RBFOX1: variants seen among roughly 807,000 people sequenced by gnomAD.
RBFOX1 encodes RNA binding fox-1 homolog 1.
RBFOX1 carries 8 observed loss-of-function variants against 57.7 expected under a neutral mutation model. The observed-to-expected ratio is 0.14, with a 90% confidence interval of 0.08 to 0.25. The LOEUF is 0.25. Among genes scored for constraint, RBFOX1 ranks in the 10% least tolerant of loss-of-function variants. The probability of loss-of-function intolerance (pLI) is 1.00; values close to 1 mark genes in which losing one functional copy is unlikely to be tolerated. For synonymous variants in RBFOX1, 326 were observed against 222.4 expected, an observed-to-expected ratio of 1.47 and a Z score of -4.15; for missense variants, 611 against 548.5, an observed-to-expected ratio of 1.11 and a Z score of -1.14.
At chr16:6,846,293 C>G (rs1312691503) in intron 3 of RBFOX1, among the ~76,000 whole-genome samples, 3 of 152,132 alleles carry the variant, frequency 2.0e-5, no homozygotes, top group Non-Finnish European at 4.4e-5. Context: ...TCCGTGTCAT[C>G]AAGAAACATG....
At chr16:6,220,577 G>T (rs1469427317) in intron 1 of RBFOX1, among the ~76,000 whole-genome samples, 1 of 152,150 alleles carries the variant, frequency 6.6e-6, no homozygotes, top group Non-Finnish European at 1.5e-5. Flanking sequence ...CCAAAACACA[G>T]TGAAATTTCT....
In RBFOX1 at chr16:5,313,082, C is replaced by G. The variant is rs115723009; in HGVS notation, c.219+72977C>G. On this transcript the variant is annotated intron_variant, in intron 1 of 2. Transcript: ENST00000585867. ...TGCTGTCCTGGGCGCTTTCTGTGAA[C>G]TGTTTGATTTTGTCTTCACAGCCAC... 7.8e-3 allele frequency among the ~76,000 whole-genome samples: 1,185 copies of G among 152,194 alleles called. 17 individuals carry two copies. Among genetic ancestry groups the G allele is most frequent in the African/African-American group, 0.027 (1,128 of 41,506 alleles).
At chr16:6,504,341 C>G (rs190961513) in intron 2 of RBFOX1, among the ~76,000 whole-genome samples, 1 of 152,238 alleles carries the variant, frequency 6.6e-6, no homozygotes, top group Non-Finnish European at 1.5e-5. Context: ...CCCTGCCCTT[C>G]ACCATCAGAC....
intron 4 of RBFOX1, among the ~76,000 whole-genome samples, chr16:7,167,395 A>G (rs890650241): frequency 1.3e-5 from 2 of 151,934 alleles, no homozygotes; most frequent in Admixed American, 1.3e-4. Flanking sequence ...AGAGAAATGG[A>G]GGGAGATTTG....
intron 4 of RBFOX1, among the ~76,000 whole-genome samples, chr16:7,357,279 G>T (rs1431585485): frequency 6.6e-6 from 1 of 151,952 alleles, no homozygotes; most frequent in Non-Finnish European, 1.5e-5. Context: ...CAGTCCTGTG[G>T]GTAAGAAGGT....
intron 4 of RBFOX1, among the ~76,000 whole-genome samples, chr16:7,187,506 A>G (rs370158369): frequency 0.013 from 1,931 of 151,356 alleles, 45 homozygotes; most frequent in African/African-American, 0.042. Flanking sequence ...TGGCTAACAC[A>G]GTGAAACCCC....
At chr16:7,697,707 G>A (rs546524192) in intron 14 of RBFOX1, among the ~76,000 whole-genome samples, 1 of 152,060 alleles carries the variant, frequency 6.6e-6, no homozygotes, top group Non-Finnish European at 1.5e-5. Context: ...CTTCCCCTGG[G>A]TCACACTGCC....
intron 1 of RBFOX1, among the ~76,000 whole-genome samples, chr16:6,049,403 T>A (rs2095529330): frequency 6.6e-6 from 1 of 152,196 alleles, no homozygotes; most frequent in African/African-American, 2.4e-5. Context: ...TCACCTTCTT[T>A]GAATCACCCA....
At chr16:6,815,686 T>C (rs3885987) in intron 3 of RBFOX1, among the ~76,000 whole-genome samples, 74,277 of 151,914 alleles carry the variant, frequency 0.49, 18,395 homozygotes, top group Admixed American at 0.51. Flanking sequence ...AAACCTAGAC[T>C]TGTTCAGCGA....
In RBFOX1 at chr16:6,978,819, G is replaced by A. The variant is rs145412225; in HGVS notation, c.-15-73238G>A. Among the ~76,000 whole-genome samples the A allele has an allele frequency of 2.5e-3, 379 of 152,206 alleles. 3 individuals are homozygous for A. Among genetic ancestry groups the A allele is most frequent in the Non-Finnish European group, 4.3e-3 (292 of 68,012 alleles). ...GTGGCTACAATACATTGCCTATATC[G>A]GGTAACAAATGCCTTCAATCCCCTT... On this transcript the variant is annotated intron_variant, in intron 3 of 15. Transcript: ENST00000550418.
intron 1 of RBFOX1, among the ~76,000 whole-genome samples, chr16:5,351,611 C>G (rs951372765): frequency 3.3e-5 from 5 of 152,204 alleles, no homozygotes; most frequent in African/African-American, 1.2e-4. Flanking sequence ...AGCCTTTCCT[C>G]TCTATGGAGA....
chr16:6,628,817 T>C lies in RBFOX1; in HGVS notation c.-63-25786T>C, dbSNP rs114970956. On this transcript the variant is annotated intron_variant, in intron 2 of 15. Coordinates refer to ENST00000550418, the MANE Select transcript of RBFOX1 (RefSeq NM_018723.4). ...AGTTTAGGTATGATCTGTATGTTTA[T>C]TAGAAAAAGAATCACAGCCTGACCA... Among the ~76,000 whole-genome samples, 268 of 152,260 alleles carry C rather than the reference T, an allele frequency of 1.8e-3. 1 individual carries two copies. The highest frequency in any genetic ancestry group is 6.2e-3 in the African/African-American group (256 of 41,564).
At chr16:5,610,163 G>A (rs1567294592) in intron 3 of RBFOX1, 2 of 152,074 alleles carry the variant, frequency 1.3e-5, no homozygotes, top group Admixed American at 6.5e-5. Context: ...AGTCTGTCCC[G>A]TTACCATCAG....
intron 2 of RBFOX1, among the ~76,000 whole-genome samples, chr16:6,322,545 C>T (rs17139872): frequency 0.022 from 3,389 of 152,172 alleles, 132 homozygotes; most frequent in African/African-American, 0.076. Context: ...CTTGATTGCC[C>T]CTTGTAGGAT....
chr16:5,251,873 TA>T (rs1315427668), intron 1 of RBFOX1, among the ~76,000 whole-genome samples: 3 of 152,050 alleles, frequency 2.0e-5, no homozygotes, highest in African/African-American at 7.3e-5. Flanking sequence ...AGCTATAAAT[TA>T]AATGGAATTA....
At chr16:7,416,628 G>A (rs1003244265) in intron 4 of RBFOX1, among the ~76,000 whole-genome samples, 1 of 152,152 alleles carries the variant, frequency 6.6e-6, no homozygotes, top group Admixed American at 6.5e-5. Flanking sequence ...AAGCACCCAC[G>A]ATTCCCAGTC....
chr16:6,715,573 A>G (rs1568329435), intron 3 of RBFOX1, among the ~76,000 whole-genome samples: 1 of 152,170 alleles, frequency 6.6e-6, no homozygotes, highest in Non-Finnish European at 1.5e-5. Flanking sequence ...GAAGAGTCTT[A>G]AGAGCTAAGA....
At chr16:6,875,812 C>G (rs2345817) in intron 3 of RBFOX1, among the ~76,000 whole-genome samples, 35,448 of 151,752 alleles carry the variant, frequency 0.23, 4,276 homozygotes, top group East Asian at 0.28. Flanking sequence ...CAAGACCAGT[C>G]TGGGGAACAT....
At chr16:7,221,340 T>TTTAC in intron 4 of RBFOX1, among the ~76,000 whole-genome samples, 1 of 129,392 alleles carries the variant, frequency 7.7e-6, no homozygotes, top group East Asian at 2.8e-4. Flanking sequence ...TTTATTTTTA[T>TTTAC]TTGATTATTT....
Sources: allele counts gnomAD v4.1 joint callset (sites outside exome capture counted in the v4.1 genomes callset), GRCh38; gene constraint gnomAD v4.1.1; transcripts MANE v1.5; gene names NCBI Gene and HGNC (gene_info 2026-07-23, HGNC 2026-07-21).